RBMX: variants seen among roughly 807,000 people sequenced by gnomAD.
The protein encoded by RBMX is RNA binding motif protein X-linked.
In RBMX, 1 loss-of-function variant was observed where a neutral mutation model predicts 29.3. The observed-to-expected ratio is 0.03, with a 90% CI of 0.01 to 0.16. RBMX has a LOEUF of 0.16. RBMX is among the 10% of genes least tolerant of loss of function. RBMX has a pLI of 1.00. For missense variants in RBMX, 121 were observed against 333.2 expected, an observed-to-expected ratio of 0.36 and a Z score of 4.96; for synonymous variants, 102 against 102.3, an observed-to-expected ratio of 1.00 and a Z score of 0.02.
At chrX:136,869,546 G>C (rs1053083), downstream of RBMX, 5 of 111,757 alleles carry the variant, frequency 4.5e-5, no homozygotes, top group Admixed American at 9.5e-5. Context: ...CCAAGTAATC[G>C]TAAGAGTATA....
downstream of RBMX, among the ~76,000 whole-genome samples, chrX:136,871,490 C>T (rs1290655564): frequency 1.8e-5 from 2 of 109,223 alleles, no homozygotes; most frequent in Non-Finnish European, 3.8e-5. Context: ...ACTATGTCGT[C>T]ATTATGTCAA....
rs2077696936 is a variant in RBMX, at chrX:136,873,522, C to A, written c.*620G>T. ...GTTGTTTAACACACACTTAAATGGTCTTATTGGGGGAAGGGAAAGGGGAGG... is the reference window on the plus strand; with the variant it reads ...GTTGTTTAACACACACTTAAATGGTATTATTGGGGGAAGGGAAAGGGGAGG... On this transcript the variant is annotated 3_prime_UTR_variant, in exon 9 of 9. Transcript: ENST00000320676. 1 of 750,591 alleles carries A rather than the reference C, an allele frequency of 1.3e-6. No homozygotes were observed. Among genetic ancestry groups the A allele is most frequent in the Non-Finnish European group, 1.6e-6 (1 of 636,940 alleles). 61.9% of individuals were successfully genotyped at this position (750,591 alleles called of 1,213,427 possible).
rs1179888238 is a variant in RBMX at position 136,879,036 on chromosome X, G to A, written c.197C>T (p.Ala66Val). Residue 66 changes from alanine (A) to valine (V), a missense_variant, in exon 3 of 9, where the codon GCC (alanine) becomes GTC (valine). Physicochemically the swap from Ala to Val is moderately conservative, Grantham distance 64. Around this residue, in one of 2 missense-constraint regions of RBMX, gnomAD observed 7 missense variants for 73.3 expected, o/e 0.10. Transcript: ENST00000320676. ...FESPADAKDA[A>V]RDMNGKSLDG... ...TCTCACCTTTCCATTCATGTCTCTG[G>A]CTGCATCCTTAGCGTCTGCTGGGCT... 2 of 1,210,407 alleles carry A rather than the reference G, an allele frequency of 1.7e-6. No individual in the cohort carries two copies. The highest frequency in any genetic ancestry group is 4.3e-5 in the Admixed American group (2 of 46,003).
intron 7 of RBMX, 37 bp downstream of exon 7, chrX:136,875,221 T>C (rs1447044964): frequency 2.5e-6 from 3 of 1,210,919 alleles, no homozygotes; most frequent in Non-Finnish European, 3.4e-6. Flanking sequence ...CATTGCAACT[T>C]TTCTTACATG....
chrX:136,871,982 G>A (rs774079950), downstream of RBMX, among the ~76,000 whole-genome samples: 1 of 111,153 alleles, frequency 9.0e-6, no homozygotes, highest in South Asian at 3.8e-4. Flanking sequence ...GTACTTCCTT[G>A]TTGAGAATGC....
chrX:136,879,926 G>A lies in RBMX; in HGVS notation c.-26-473C>T, dbSNP rs185495739. ...TACTAAATCCAAGGAGAAATGTGAAGTTTAAGCCAAGTTATGCCGCCCCTC... is the reference window on the plus strand; with the variant it reads ...TACTAAATCCAAGGAGAAATGTGAAATTTAAGCCAAGTTATGCCGCCCCTC... On this transcript the variant is annotated intron_variant, in intron 1 of 8. Transcript: ENST00000320676. 8.9e-3 allele frequency among the ~76,000 whole-genome samples: 999 copies of A among 111,650 alleles called. 8 individuals are homozygous for A. The highest frequency in any genetic ancestry group is 0.041 in the Middle Eastern group (9 of 219).
downstream of RBMX, chrX:136,869,211 TAA>T (rs1367587866): frequency 4.4e-5 from 5 of 112,651 alleles, no homozygotes; most frequent in African/African-American, 1.6e-4. Flanking sequence ...AAAGTTTTAT[TAA>T]GTTTCAATAC....
chrX:136,875,960 C>A (rs1485330814), intron 5 of RBMX, among the ~76,000 whole-genome samples: 1 of 109,653 alleles, frequency 9.1e-6, no homozygotes, highest in East Asian at 2.8e-4. Flanking sequence ...CACCACCACG[C>A]CCAGCTAACT....
intron 4 of RBMX, among the ~76,000 whole-genome samples, chrX:136,877,242 C>G (rs746704513): frequency 1.7e-4 from 17 of 101,164 alleles, no homozygotes; most frequent in African/African-American, 6.1e-4. Context: ...TGAGGCAGGA[C>G]AATCGCCTGA....
At chrX:136,869,362 T>G (rs1259458917), downstream of RBMX, 1 of 112,567 alleles carries the variant, frequency 8.9e-6, no homozygotes, top group Non-Finnish European at 1.9e-5. Flanking sequence ...CTGATTCCTT[T>G]TCCACACATC....
downstream of RBMX, chrX:136,872,633 T>TA: frequency 3.3e-6 from 1 of 301,724 alleles, no homozygotes; most frequent in East Asian, 6.2e-5. Context: ...TTTGAAGGAA[T>TA]AAGTGCAGTA....
downstream of RBMX, among the ~76,000 whole-genome samples, chrX:136,871,811 GTTTTTTTTTT>G (rs750533072): frequency 1.3e-5 from 1 of 74,940 alleles, no homozygotes; most frequent in African/African-American, 4.6e-5. Flanking sequence ...CACGCCCGGT[GTTTTTTTTTT>G]TTTTTTTTTT....
chrX:136,876,458 T>C (rs775144780), intron 5 of RBMX, 45 bp downstream of exon 5: 32 of 1,112,987 alleles, frequency 2.9e-5, no homozygotes, highest in Admixed American at 1.2e-4. Flanking sequence ...TCTCAATTCT[T>C]TGTGTTACGG....
chrX:136,878,161 A>C lies in RBMX; in HGVS notation c.217-75T>G, dbSNP rs924100772. On this transcript the variant is annotated intron_variant, in intron 3 of 8. Coordinates refer to ENST00000320676, the MANE Select transcript of RBMX (RefSeq NM_002139.4). ...CACATCTACTATGCACTAAGACACT[A>C]ACTGGTCCTTCAAAATGCAGTTATG... 2.7e-5 allele frequency: 24 copies of C among 888,891 alleles called. No homozygotes were observed. The African/African-American group carries it at 4.9e-4, about 18-fold the overall frequency. The allele number at this position is 888,891 out of a possible 1,213,427, so 73.3% of individuals were successfully genotyped here.
chrX:136,877,328 A>ACCG lies in RBMX; in HGVS notation c.388+586_388+587insCGG, dbSNP rs1556343941. Among the ~76,000 whole-genome samples, 7 of 25,321 alleles carry ACCG rather than the reference A, an allele frequency of 2.8e-4. 1 individual carries two copies. The South Asian group carries it at 0.017, about 62-fold the overall frequency. The allele number at this position is 25,321 out of a possible 115,157, so 22.0% of individuals were successfully genotyped here. On this transcript the variant is annotated intron_variant, in intron 4 of 8. Transcript: ENST00000320676. ...GCCTGGGCAACAAGTGCTAAACTCT[A>ACCG]CCCCCCCCCCCCCAAAAAAAAACCA...
intron 1 of RBMX, among the ~76,000 whole-genome samples, chrX:136,880,233 G>A (rs2077784549): frequency 3.6e-5 from 4 of 111,387 alleles, no homozygotes; most frequent in African/African-American, 1.3e-4. Flanking sequence ...CTTCTTCTCC[G>A]GGGCCGCCAA....
downstream of RBMX, chrX:136,870,294 T>C (rs1459270332): frequency 8.9e-6 from 1 of 112,870 alleles, no homozygotes; most frequent in Non-Finnish European, 1.9e-5. Context: ...CACTGATGCC[T>C]TCCTCAGATC....
At chrX:136,879,620 TAAG>T (rs746875735) in intron 1 of RBMX, among the ~76,000 whole-genome samples, 167 bp from the exon 2 acceptor site, 2 of 112,241 alleles carry the variant, frequency 1.8e-5, no homozygotes, top group East Asian at 5.5e-4. Context: ...CAATTTGAAC[TAAG>T]TAGTTTAGTA....
chrX:136,876,716 G>GTTTTTTTGT, intron 4 of RBMX, 61 bp from the exon 5 acceptor site: 1 of 808,819 alleles, frequency 1.2e-6, no homozygotes, highest in Non-Finnish European at 1.6e-6. Flanking sequence ...AGATATAAAA[G>GTTTTTTTGT]TTTTTTTTTT....
Sources: allele counts gnomAD v4.1 joint callset (sites outside exome capture counted in the v4.1 genomes callset), GRCh38; gene constraint gnomAD v4.1.1; regional missense constraint gnomAD v4.1.1; transcripts MANE v1.5; gene names NCBI Gene and HGNC (gene_info 2026-07-23, HGNC 2026-07-21).